SGMS1: variants seen among roughly 807,000 people sequenced by gnomAD.
The protein encoded by SGMS1 is sphingomyelin synthase 1, also known as phosphatidylcholine:ceramide cholinephosphotransferase 1.
In SGMS1, 13 loss-of-function variants were observed where a neutral mutation model predicts 46.2. The observed-to-expected ratio is 0.28, with a 90% CI of 0.18 to 0.45. The LOEUF (loss-of-function observed/expected upper bound fraction) is 0.45. Among genes scored for constraint, SGMS1 ranks in the 20% least tolerant of loss-of-function variants. The probability of loss-of-function intolerance (pLI) is 1.00; values close to 1 mark genes in which losing one functional copy is unlikely to be tolerated. For missense variants in SGMS1, 324 were observed against 519.9 expected (o/e 0.62, Z 3.66); for synonymous variants, 203 against 187.8 (o/e 1.08, Z -0.66).
rs144658855 is a variant in SGMS1 at position 50,529,325 on chromosome 10, T to C, written c.-588-9404A>G. Among the ~76,000 whole-genome samples the C allele has an allele frequency of 2.8e-3, 421 of 152,310 alleles. 2 individuals carry two copies. Among genetic ancestry groups the C allele is most frequent in the African/African-American group, 9.7e-3 (404 of 41,564 alleles). ...CTCTGCCTCTAATACTTCCAGACTG[T>C]AATTGCCATCCCTGAAACGGCAAAG... On this transcript the variant is annotated intron_variant, in intron 2 of 10. Transcript: ENST00000361781.
chr10:50,467,588 T>G (rs1360328468), intron 3 of SGMS1, among the ~76,000 whole-genome samples: 1 of 152,140 alleles, frequency 6.6e-6, no homozygotes, highest in East Asian at 1.9e-4. Flanking sequence ...TTTAAAAAAT[T>G]AGTAAGCCCA....
In SGMS1 at chr10:50,424,867, G is replaced by A. The variant is rs1021188654; in HGVS notation, c.-232+8609C>T. On this transcript the variant is annotated intron_variant, in intron 6 of 10. Transcript: ENST00000361781. Reference sequence around the variant, plus strand: ...ATGGAGGTTGCAGTGAGCCAAGATTGCGCCATTGCACTCCAGCCTGGGCAA... The same window carrying A: ...ATGGAGGTTGCAGTGAGCCAAGATTACGCCATTGCACTCCAGCCTGGGCAA... Among the ~76,000 whole-genome samples, 8 of 148,726 alleles carry A rather than the reference G, an allele frequency of 5.4e-5. No homozygotes were observed. In the East Asian group the frequency reaches 1.6e-3, roughly 29 times the overall value.
chr10:50,348,359 A>C (rs1006479284), intron 6 of SGMS1, among the ~76,000 whole-genome samples: 1 of 152,208 alleles, frequency 6.6e-6, no homozygotes, highest in African/African-American at 2.4e-5. Context: ...TCAAATAGGA[A>C]GAGAGTAAGT....
chr10:50,403,392 G>C (rs2133547106), intron 6 of SGMS1, among the ~76,000 whole-genome samples: 1 of 152,278 alleles, frequency 6.6e-6, no homozygotes, highest in East Asian at 1.9e-4. Context: ...GATAAGAAAT[G>C]AAAGTATTCT....
At chr10:50,489,646 C>T (rs1588851159) in intron 3 of SGMS1, among the ~76,000 whole-genome samples, 1 of 152,190 alleles carries the variant, frequency 6.6e-6, no homozygotes, top group African/African-American at 2.4e-5. Flanking sequence ...ACCCTCCAAA[C>T]GTTTCCCTTT....
chr10:50,391,736 A>G (rs1848770545), intron 6 of SGMS1, among the ~76,000 whole-genome samples: 1 of 151,966 alleles, frequency 6.6e-6, no homozygotes, highest in African/African-American at 2.4e-5. Context: ...TCATAGCACT[A>G]TTCACAATGG....
chr10:50,322,509 A>G (rs1847461498), intron 8 of SGMS1, among the ~76,000 whole-genome samples: 1 of 152,208 alleles, frequency 6.6e-6, no homozygotes, highest in African/African-American at 2.4e-5. Flanking sequence ...CCTTTTCTAA[A>G]GAAACCAGTA....
At chr10:50,328,619 T>A (rs1847567392) in intron 7 of SGMS1, among the ~76,000 whole-genome samples, 1 of 152,242 alleles carries the variant, frequency 6.6e-6, no homozygotes, top group Non-Finnish European at 1.5e-5. Flanking sequence ...ACTTAGGTTT[T>A]ATGAGTAGAA....
rs752957334 is a variant in SGMS1, at chr10:50,311,452, A to G, written c.742-37T>C. 9 of 1,599,798 alleles carry G rather than the reference A, an allele frequency of 5.6e-6. No homozygotes were observed. The South Asian group carries it at 8.9e-5, about 16-fold the overall frequency. The stretch of plus-strand genomic sequence containing the variant: ...AAAGAAAAGAAGAAAAAGAAGATTC[A>G]TTACGAGCCCACATGAAAATGTGCG... On this transcript the variant is annotated intron_variant, in intron 8 of 10. Coordinates refer to ENST00000361781, the MANE Select transcript of SGMS1 (RefSeq NM_147156.4).
chr10:50,469,807 G>T (rs1837362947), intron 3 of SGMS1, among the ~76,000 whole-genome samples: 1 of 152,154 alleles, frequency 6.6e-6, no homozygotes, highest in Non-Finnish European at 1.5e-5. Flanking sequence ...GTAAGAGAAG[G>T]TTCAGAGGGT....
intron 1 of SGMS1, among the ~76,000 whole-genome samples, chr10:50,621,900 G>A (rs1838853570): frequency 6.6e-6 from 1 of 152,224 alleles, no homozygotes; most frequent in Non-Finnish European, 1.5e-5. Flanking sequence ...GCAGGTCACA[G>A]AGATGCAGAG....
intron 2 of SGMS1, among the ~76,000 whole-genome samples, chr10:50,533,653 C>T (rs896321653): frequency 3.3e-5 from 5 of 151,956 alleles, no homozygotes; most frequent in South Asian, 2.1e-4. Context: ...TAAGTGAACA[C>T]ACACATTTTT....
intron 2 of SGMS1, among the ~76,000 whole-genome samples, chr10:50,527,061 C>G (rs113464297): frequency 1.5e-5 from 1 of 65,526 alleles, no homozygotes; most frequent in Non-Finnish European, 2.7e-5. Context: ...GAGACTCTGT[C>G]TCAAAAAAAA....
intron 6 of SGMS1, among the ~76,000 whole-genome samples, chr10:50,406,317 C>A (rs1208960706): frequency 6.6e-6 from 1 of 152,198 alleles, no homozygotes; most frequent in Non-Finnish European, 1.5e-5. Flanking sequence ...TCACATCAGA[C>A]TCCTGTCGGA....
intron 5 of SGMS1, among the ~76,000 whole-genome samples, chr10:50,440,946 A>G (rs1290995513): frequency 1.3e-5 from 2 of 152,214 alleles, no homozygotes; most frequent in African/African-American, 4.8e-5. Flanking sequence ...GTACTAATTC[A>G]TTGAATCATG....
intron 5 of SGMS1, among the ~76,000 whole-genome samples, chr10:50,444,222 T>C (rs1447083566): frequency 1.3e-5 from 2 of 152,126 alleles, no homozygotes; most frequent in Non-Finnish European, 2.9e-5. Flanking sequence ...CTGAACTATA[T>C]GGTACCTAAA....
At chr10:50,410,005 G>A (rs1295185922) in intron 6 of SGMS1, among the ~76,000 whole-genome samples, 1 of 152,136 alleles carries the variant, frequency 6.6e-6, no homozygotes, top group Admixed American at 6.5e-5. Context: ...GAAAATTTCT[G>A]TAGTTGTTTA....
chr10:50,508,400 G>A (rs1236513577), intron 3 of SGMS1, among the ~76,000 whole-genome samples: 2 of 152,204 alleles, frequency 1.3e-5, no homozygotes, highest in South Asian at 4.1e-4. Context: ...CCTAGGGCAA[G>A]TGACACAAGC....
chr10:50,307,847 A>G lies in SGMS1; in HGVS notation c.1062+135T>C. ...TCTGAAGAGAATCAATGTCACAAAA[A>G]AACAATACAATCTTAGTTGATTACT... On this transcript the variant is annotated intron_variant, in intron 10 of 10. Coordinates refer to ENST00000361781, the MANE Select transcript of SGMS1 (RefSeq NM_147156.4). This position sits in a 1 kb window ranked among gnomAD's most constrained non-coding sequence, Gnocchi z 4.2. 5.0e-6 allele frequency: 4 copies of G among 802,646 alleles called. No homozygotes were observed. Among genetic ancestry groups the G allele is most frequent in the Non-Finnish European group, 7.9e-6 (4 of 504,190 alleles). The allele number at this position is 802,646 out of a possible 1,614,324, so 49.7% of individuals were successfully genotyped here. A position where few individuals can be genotyped will look rare whatever the true frequency, so the allele number is the denominator to read the frequency against.
Sources: allele counts gnomAD v4.1 joint callset (sites outside exome capture counted in the v4.1 genomes callset), GRCh38; gene constraint gnomAD v4.1.1; non-coding constraint Gnocchi (gnomAD v3.1); transcripts MANE v1.5; gene names NCBI Gene and HGNC (gene_info 2026-07-23, HGNC 2026-07-21).